The following PACSIN1 variants were observed in gnomAD, a reference collection of about 807,000 sequenced individuals.
PACSIN1 encodes protein kinase C and casein kinase substrate in neurons protein 1.
Under a neutral mutation model 59.5 loss-of-function variants are expected in PACSIN1, and 15 were observed. That is an observed-to-expected ratio of 0.25 (90% CI 0.17 to 0.39). The LOEUF is 0.39. Among genes scored for constraint, PACSIN1 ranks in the 10% least tolerant of loss-of-function variants. PACSIN1 has a pLI of 1.00. For synonymous variants in PACSIN1, 210 were observed against 220.6 expected (o/e 0.95, Z 0.42); for missense variants, 420 against 580.2 (o/e 0.72, Z 2.84).
chr6:34,471,792 A>T (rs7757419), intron 1 of PACSIN1, among the ~76,000 whole-genome samples: 32,581 of 152,120 alleles, frequency 0.21, 3,857 homozygotes, highest in African/African-American at 0.32. Flanking sequence ...AGCTGGGCAG[A>T]GACAGTCAGT....
chr6:34,475,914 T>C (rs758303435), intron 1 of PACSIN1, among the ~76,000 whole-genome samples: 4 of 152,220 alleles, frequency 2.6e-5, no homozygotes, highest in Non-Finnish European at 5.9e-5. Context: ...AGGGGTTAGA[T>C]TTAAGCTCAA....
chr6:34,485,813 C>G (rs538957319), intron 1 of PACSIN1, among the ~76,000 whole-genome samples: 1 of 152,268 alleles, frequency 6.6e-6, no homozygotes, highest in East Asian at 1.9e-4. Context: ...CAGAGGCGGA[C>G]AGCATGCTGC....
intron 1 of PACSIN1, among the ~76,000 whole-genome samples, chr6:34,487,295 A>G (rs1766809330): frequency 6.6e-6 from 1 of 152,172 alleles, no homozygotes; most frequent in Admixed American, 6.5e-5. Flanking sequence ...GCTCCTTCCC[A>G]GTTAATGTCT....
intron 1 of PACSIN1, among the ~76,000 whole-genome samples, chr6:34,473,094 G>A (rs1766593950): frequency 1.3e-5 from 2 of 152,074 alleles, no homozygotes; most frequent in South Asian, 4.1e-4. Flanking sequence ...CTCAGCACCT[G>A]TCGTCGAGGA....
intron 1 of PACSIN1, among the ~76,000 whole-genome samples, chr6:34,512,310 G>A (rs370945012): frequency 4.1e-4 from 62 of 150,852 alleles, no homozygotes; most frequent in South Asian, 8.5e-4. Context: ...AGGACAGGAC[G>A]TGGGGTCTGC....
chr6:34,496,705 CA>C (rs1766952342), intron 1 of PACSIN1, among the ~76,000 whole-genome samples: 2 of 152,300 alleles, frequency 1.3e-5, no homozygotes, highest in African/African-American at 4.8e-5. Flanking sequence ...TTAGACCAGA[CA>C]AAATGGCTTT....
At chr6:34,508,211 C>G (rs758479508) in intron 1 of PACSIN1, among the ~76,000 whole-genome samples, 37 of 152,144 alleles carry the variant, frequency 2.4e-4, no homozygotes, top group Non-Finnish European at 5.3e-4. Flanking sequence ...TCAAGCAATT[C>G]TCCTGCCTCA....
At chr6:34,471,307 G>A (rs1377161694) in intron 1 of PACSIN1, among the ~76,000 whole-genome samples, 3 of 152,216 alleles carry the variant, frequency 2.0e-5, no homozygotes, top group African/African-American at 7.2e-5. Context: ...AGTGGAGAGA[G>A]AGGGTGAGAA....
intron 1 of PACSIN1, among the ~76,000 whole-genome samples, chr6:34,469,604 C>T (rs9469790): frequency 0.3 from 46,164 of 152,116 alleles, 8,156 homozygotes; most frequent in African/African-American, 0.49. Context: ...AGGTCATGTC[C>T]ATTTGCCTGT....
intron 1 of PACSIN1, among the ~76,000 whole-genome samples, chr6:34,472,363 C>T (rs1766584034): frequency 6.7e-6 from 1 of 149,072 alleles, no homozygotes; most frequent in Admixed American, 6.7e-5. Flanking sequence ...TTCATATTTA[C>T]ATAACAATGT....
intron 1 of PACSIN1, among the ~76,000 whole-genome samples, chr6:34,512,439 G>A (rs1018754336): frequency 6.6e-6 from 1 of 152,152 alleles, no homozygotes; most frequent in African/African-American, 2.4e-5. Context: ...GCTGGGGGCC[G>A]GCAGGTGGGC....
At chr6:34,510,568 C>T (rs781724842) in intron 1 of PACSIN1, among the ~76,000 whole-genome samples, 1 of 152,222 alleles carries the variant, frequency 6.6e-6, no homozygotes, top group Non-Finnish European at 1.5e-5. Flanking sequence ...TTTGCCCTTG[C>T]TGTTCCCTCT....
At chr6:34,507,035 C>T (rs1015756982) in intron 1 of PACSIN1, among the ~76,000 whole-genome samples, 1 of 152,076 alleles carries the variant, frequency 6.6e-6, no homozygotes, top group African/African-American at 2.4e-5. Context: ...ACAGTAGGGA[C>T]GTCATTGTTT....
chr6:34,511,359 C>A (rs978985112), intron 1 of PACSIN1, among the ~76,000 whole-genome samples: 1 of 152,094 alleles, frequency 6.6e-6, no homozygotes, highest in Non-Finnish European at 1.5e-5. Flanking sequence ...ACCTGAAATG[C>A]CACATTTCTG....
chr6:34,483,423 T>C (rs77073149), intron 1 of PACSIN1, among the ~76,000 whole-genome samples: 3,495 of 152,220 alleles, frequency 0.023, 139 homozygotes, highest in African/African-American at 0.074. Context: ...CTTACTGTAA[T>C]GCTGTGGGAC....
In PACSIN1 at chr6:34,531,395, T is replaced by TC; in HGVS notation, c.1038-202dup. On this transcript the variant is annotated intron_variant, in intron 8 of 9. Coordinates refer to ENST00000244458, the MANE Select transcript of PACSIN1 (RefSeq NM_020804.5). This position sits in a 1 kb window ranked among gnomAD's most constrained non-coding sequence, Gnocchi z 4.4. ...CCCTGGGGTCCCCTTCAATGCCCTC[T>TC]CCCTCGAGGGCTGAATAATAACGCA... Among the ~76,000 whole-genome samples the TC allele has an allele frequency of 6.6e-6, 1 of 152,238 alleles. No individual in the cohort carries two copies. The highest frequency in any genetic ancestry group is 1.9e-4 in the East Asian group (1 of 5,168).
chr6:34,528,894 G>T lies in PACSIN1; in HGVS notation c.456+17G>T. 2.6e-6 allele frequency: 2 copies of T among 755,286 alleles called. No homozygotes were observed. The highest frequency in any genetic ancestry group is 2.1e-6 in the Non-Finnish European group (1 of 477,202). 46.8% of individuals were successfully genotyped at this position (755,286 alleles called of 1,614,324 possible). A position where few individuals can be genotyped will look rare whatever the true frequency, so the allele number is the denominator to read the frequency against. ...ATGAAGGAGGTGCTCAGTGGGTGCT[G>T]CCACGGGCGGGGTGGGGTGGGCCCG... On this transcript the variant is annotated intron_variant, in intron 4 of 9. Coordinates refer to ENST00000244458, the MANE Select transcript of PACSIN1 (RefSeq NM_020804.5).
intron 1 of PACSIN1, among the ~76,000 whole-genome samples, chr6:34,476,793 G>A (rs1177532723): frequency 6.6e-6 from 1 of 152,224 alleles, no homozygotes; most frequent in Non-Finnish European, 1.5e-5. Context: ...CCGGGGGCGG[G>A]TGGCAAATCA....
intron 1 of PACSIN1, among the ~76,000 whole-genome samples, chr6:34,493,419 T>C (rs1334683796): frequency 1.3e-5 from 2 of 152,254 alleles, no homozygotes; most frequent in Non-Finnish European, 2.9e-5. Context: ...TTCTGCTGCA[T>C]GTAAACCCAA....
Sources: allele counts gnomAD v4.1 joint callset (sites outside exome capture counted in the v4.1 genomes callset), GRCh38; gene constraint gnomAD v4.1.1; non-coding constraint Gnocchi (gnomAD v3.1); transcripts MANE v1.5; gene names NCBI Gene and HGNC (gene_info 2026-07-23, HGNC 2026-07-21).